CLEC12A: variants seen among roughly 807,000 people sequenced by gnomAD.
CLEC12A encodes C-type lectin domain family 12 member A, also known as C-type lectin protein CLL-1.
A neutral mutation model predicts 26.5 loss-of-function variants in CLEC12A; 22 were observed. The observed-to-expected ratio is 0.83, with a 90% CI of 0.59 to 1.19. The LOEUF (loss-of-function observed/expected upper bound fraction) is 1.19, where lower values mean the gene tolerates loss of function less well. Ranked by LOEUF, CLEC12A falls within the 50% of genes most tolerant of loss-of-function variation. The pLI, the probability that CLEC12A is intolerant of heterozygous loss-of-function variation, is 0.00. For synonymous variants in CLEC12A, 119 were observed against 101.9 expected (o/e 1.17, Z -1.01); for missense variants, 353 against 315.6 (o/e 1.12, Z -0.90).
At chr12:9,990,901 C>G (rs1864877362) in intron 4 of CLEC12A, 1 of 152,176 alleles carries the variant, frequency 6.6e-6, no homozygotes, top group Non-Finnish European at 1.5e-5. Flanking sequence ...AGGCAAGACG[C>G]TACACCAGCA....
chr12:9,968,383 A>T (rs1249522440), upstream of CLEC12A, among the ~76,000 whole-genome samples: 1 of 97,310 alleles, frequency 1.0e-5, no homozygotes, highest in East Asian at 3.6e-4. Context: ...GCGAAGGGAG[A>T]TGGGGTGGGG....
At chr12:9,951,563 G>T in intron 1 of CLEC12A, 1 of 553,446 alleles carries the variant, frequency 1.8e-6, no homozygotes, top group South Asian at 2.3e-5. Context: ...CAGACAGCAG[G>T]ATCTGCTTTT....
chr12:10,005,878 T>A, the CLEC12A span, among the ~76,000 whole-genome samples: 1 of 152,234 alleles, frequency 6.6e-6, no homozygotes, highest in Non-Finnish European at 1.5e-5. Flanking sequence ...TTTTTGTAAA[T>A]AATTCGGAAT....
intron 1 of CLEC12A, among the ~76,000 whole-genome samples, chr12:9,959,760 T>C (rs1225947042): frequency 6.6e-6 from 1 of 152,150 alleles, no homozygotes; most frequent in Non-Finnish European, 1.5e-5. Flanking sequence ...AGATAAATCT[T>C]ACCTGGGAAA....
intron 1 of CLEC12A, among the ~76,000 whole-genome samples, chr12:9,965,828 C>T (rs572867060): frequency 3.4e-4 from 51 of 151,896 alleles, no homozygotes; most frequent in African/African-American, 1.0e-3. Flanking sequence ...TGGCATTGAG[C>T]GGGGTAAGGT....
chr12:9,985,767 G>A (rs1864750718), downstream of CLEC12A: 1 of 295,312 alleles, frequency 3.4e-6, no homozygotes, highest in Non-Finnish European at 6.2e-6. Flanking sequence ...ATACCCAAGA[G>A]GCTTTGTTAC....
downstream of CLEC12A, chr12:9,998,912 G>C (rs1865118666): frequency 8.4e-6 from 5 of 592,776 alleles, no homozygotes; most frequent in South Asian, 5.2e-5. Flanking sequence ...AAATGCTTTA[G>C]AGCATTAACA....
chr12:9,971,543 C>G lies in CLEC12A; in HGVS notation c.-54C>G. 6.3e-7 allele frequency: 1 copy of G among 1,577,762 alleles called. No individual in the cohort carries two copies. Among genetic ancestry groups the G allele is most frequent in the Non-Finnish European group, 8.6e-7 (1 of 1,164,062 alleles). ...TGTTTAACATTCAGCTCTGTTAACT[C>G]ACTCATCTTTTTGTGTTTTTACACT... On this transcript the variant is annotated 5_prime_UTR_variant, in exon 1 of 6. Transcript: ENST00000304361.
the CLEC12A span, among the ~76,000 whole-genome samples, chr12:10,003,412 C>T: frequency 6.6e-6 from 1 of 151,734 alleles, no homozygotes; most frequent in Non-Finnish European, 1.5e-5. Context: ...GCAGTCATAC[C>T]GCAAAGTTGA....
chr12:9,961,621 C>T (rs73253605), intron 1 of CLEC12A, among the ~76,000 whole-genome samples: 3,513 of 151,946 alleles, frequency 0.023, 127 homozygotes, highest in African/African-American at 0.079. Flanking sequence ...CAAGGTTTAC[C>T]GCTTATATTC....
chr12:9,998,407 G>A, downstream of CLEC12A: 3 of 1,564,602 alleles, frequency 1.9e-6, no homozygotes, highest in Non-Finnish European at 2.6e-6. Context: ...AAGACATCAA[G>A]GAGCAGGCAG....
the CLEC12A span, among the ~76,000 whole-genome samples, chr12:10,003,538 A>G: frequency 3.3e-5 from 5 of 152,194 alleles, no homozygotes; most frequent in Admixed American, 6.5e-5. Context: ...CTAAGAGGAG[A>G]AAGGAGAAGG....
chr12:9,999,150 T>C (rs201918706), downstream of CLEC12A: 34 of 1,252,002 alleles, frequency 2.7e-5, no homozygotes, highest in Admixed American at 5.9e-4. Context: ...CTTTGCAAAA[T>C]GTAGTTTCCA....
upstream of CLEC12A, among the ~76,000 whole-genome samples, chr12:9,966,490 G>A (rs1409186883): frequency 2.6e-5 from 4 of 152,136 alleles, no homozygotes; most frequent in Non-Finnish European, 4.4e-5. Context: ...TTGGGCTGCG[G>A]GCATTCTCTG....
chr12:9,956,094 C>T (rs922656534), intron 1 of CLEC12A, among the ~76,000 whole-genome samples: 1 of 152,174 alleles, frequency 6.6e-6, no homozygotes, highest in Non-Finnish European at 1.5e-5. Flanking sequence ...AGATATAGAT[C>T]TGAGAAGTAT....
intron 4 of CLEC12A, chr12:9,993,344 C>T: frequency 2.1e-6 from 3 of 1,436,062 alleles, no homozygotes; most frequent in Non-Finnish European, 2.9e-6. Flanking sequence ...AATCAGTAAT[C>T]AGACTCTGCG....
intron 1 of CLEC12A, among the ~76,000 whole-genome samples, chr12:9,977,925 C>T (rs570931): frequency 0.7 from 105,721 of 151,988 alleles, 37,145 homozygotes; most frequent in East Asian, 0.9. Flanking sequence ...ATTGAATACA[C>T]ATATAAATAA....
chr12:9,980,492 T>A (rs886072277), intron 3 of CLEC12A, 90 bp from the exon 4 acceptor site: 9 of 1,241,942 alleles, frequency 7.2e-6, no homozygotes, highest in Non-Finnish European at 7.8e-6. Flanking sequence ...AAACAGCAAA[T>A]GTGATCAATG....
chr12:9,976,800 C>T (rs550572267), intron 1 of CLEC12A, among the ~76,000 whole-genome samples: 3 of 152,150 alleles, frequency 2.0e-5, no homozygotes, highest in Admixed American at 6.5e-5. Flanking sequence ...GGAGGGACCT[C>T]GTGGGAGGTA....
Sources: gnomAD v4.1 joint callset for allele counts (sites outside exome capture counted in the v4.1 genomes callset) on GRCh38, gnomAD v4.1.1 for gene constraint, MANE v1.5 for transcripts, NCBI Gene and HGNC (gene_info 2026-07-23, HGNC 2026-07-21) for gene names.